Variants in LHFPL2 observed in about 807,000 individuals in gnomAD.
LHFPL2 encodes the protein LHFPL tetraspan subfamily member 2 protein.
In LHFPL2, 7 loss-of-function variants were observed where a neutral mutation model predicts 17.5. The observed-to-expected ratio is 0.40, with a 90% CI of 0.23 to 0.75. The LOEUF (loss-of-function observed/expected upper bound fraction) is 0.75. LHFPL2 is among the 30% of genes least tolerant of loss of function. The pLI, the probability that LHFPL2 is intolerant of heterozygous loss-of-function variation, is 0.37. For synonymous variants in LHFPL2, 134 were observed against 116.2 expected, an observed-to-expected ratio of 1.15 and a Z score of -0.99; for missense variants, 241 against 294.8, an observed-to-expected ratio of 0.82 and a Z score of 1.34.
At chr5:78,604,093 T>C (rs955050471) in intron 2 of LHFPL2, among the ~76,000 whole-genome samples, 3 of 152,192 alleles carry the variant, frequency 2.0e-5, no homozygotes, top group Admixed American at 6.5e-5. Context: ...ATACATGGAA[T>C]GTAAAATTAT....
In LHFPL2 at chr5:78,648,146, C is replaced by T. The variant is rs1241127345; in HGVS notation, c.-350+353G>A. ...CGCCCAGCTGCGCCTGGGACCCACG[C>T]GCCGCCGTCCGAAGCCCGCCAGCGA... On this transcript the variant is annotated intron_variant, in intron 1 of 4. Coordinates refer to ENST00000380345, the MANE Select transcript of LHFPL2 (RefSeq NM_005779.3). This position sits in a 1 kb window ranked among gnomAD's most constrained non-coding sequence, Gnocchi z 5.4. Among the ~76,000 whole-genome samples the T allele has an allele frequency of 6.6e-6, 1 of 152,144 alleles. No individual in the cohort carries two copies. Among genetic ancestry groups the T allele is most frequent in the East Asian group, 1.9e-4 (1 of 5,182 alleles).
chr5:78,518,653 G>A (rs1370109839), intron 3 of LHFPL2, among the ~76,000 whole-genome samples: 1 of 152,208 alleles, frequency 6.6e-6, no homozygotes, highest in Non-Finnish European at 1.5e-5. Flanking sequence ...CCGGTGTAAT[G>A]ACTCAGGAAT....
At chr5:78,552,380 G>T (rs578157001) in intron 3 of LHFPL2, among the ~76,000 whole-genome samples, 2 of 152,180 alleles carry the variant, frequency 1.3e-5, no homozygotes, top group East Asian at 3.9e-4. Flanking sequence ...TGATCCACCT[G>T]CCTCGGCCTC....
chr5:78,524,517 G>A (rs945572756), intron 3 of LHFPL2, among the ~76,000 whole-genome samples: 5 of 152,100 alleles, frequency 3.3e-5, no homozygotes, highest in Admixed American at 6.5e-5. Context: ...CAGGGCAGGC[G>A]GATCACTTGA....
intron 2 of LHFPL2, among the ~76,000 whole-genome samples, chr5:78,573,543 T>C (rs1757056473): frequency 6.6e-6 from 1 of 152,186 alleles, no homozygotes; most frequent in Non-Finnish European, 1.5e-5. Context: ...GGGAAGGGCA[T>C]GTTGGAGGTA....
At chr5:78,494,875 T>C (rs1298793690) in intron 4 of LHFPL2, among the ~76,000 whole-genome samples, 2 of 152,236 alleles carry the variant, frequency 1.3e-5, no homozygotes, top group Non-Finnish European at 2.9e-5. Flanking sequence ...AACACAGTTT[T>C]ATCACTGTGT....
At chr5:78,570,418 AG>A (rs35872038) in intron 2 of LHFPL2, among the ~76,000 whole-genome samples, 1 of 152,164 alleles carries the variant, frequency 6.6e-6, no homozygotes, top group African/African-American at 2.4e-5. Context: ...TGTCCAAGGC[AG>A]GGGGGATCCT....
intron 2 of LHFPL2, among the ~76,000 whole-genome samples, chr5:78,624,482 A>G (rs951313771): frequency 6.6e-6 from 1 of 152,226 alleles, no homozygotes; most frequent in African/African-American, 2.4e-5. Flanking sequence ...GTCAATTTCA[A>G]GAGACACATC....
chr5:78,641,078 T>G (rs1411126299), intron 1 of LHFPL2, among the ~76,000 whole-genome samples: 2 of 152,156 alleles, frequency 1.3e-5, no homozygotes, highest in African/African-American at 4.8e-5. Flanking sequence ...AGGAAATGTT[T>G]CAGAGGAAGG....
chr5:78,575,420 G>C (rs539293233), intron 2 of LHFPL2, among the ~76,000 whole-genome samples: 1 of 151,974 alleles, frequency 6.6e-6, no homozygotes, highest in South Asian at 2.1e-4. Flanking sequence ...GTGGTGGCAC[G>C]CACCTGTAGT....
At chr5:78,509,596 CAG>C (rs1000456923) in intron 4 of LHFPL2, among the ~76,000 whole-genome samples, 186 bp downstream of exon 4, 1 of 152,188 alleles carries the variant, frequency 6.6e-6, no homozygotes, top group Non-Finnish European at 1.5e-5. Flanking sequence ...TGGGGTAAGA[CAG>C]GGGAAAGAGA....
chr5:78,624,898 G>C (rs1744977439), intron 2 of LHFPL2: 1 of 152,006 alleles, frequency 6.6e-6, no homozygotes, highest in Non-Finnish European at 1.5e-5. Context: ...CGTCTCCTGG[G>C]TTCAAGCGAT....
intron 4 of LHFPL2, among the ~76,000 whole-genome samples, chr5:78,490,159 G>C (rs1464369436): frequency 6.6e-6 from 1 of 152,224 alleles, no homozygotes; most frequent in African/African-American, 2.4e-5. Flanking sequence ...CTACTACCTT[G>C]TCATTTTAAA....
chr5:78,637,792 C>T (rs1205862500), intron 1 of LHFPL2, among the ~76,000 whole-genome samples: 3 of 152,246 alleles, frequency 2.0e-5, no homozygotes, highest in Non-Finnish European at 4.4e-5. Context: ...CTACCCAGCC[C>T]TGCTGTATCA....
intron 3 of LHFPL2, among the ~76,000 whole-genome samples, chr5:78,528,291 T>C (rs998332716): frequency 6.6e-6 from 1 of 152,176 alleles, no homozygotes; most frequent in African/African-American, 2.4e-5. Context: ...TGTTAGGAAC[T>C]GGGCTGCACA....
At chr5:78,503,006 A>G (rs1754820281) in intron 4 of LHFPL2, among the ~76,000 whole-genome samples, 1 of 150,726 alleles carries the variant, frequency 6.6e-6, no homozygotes, top group African/African-American at 2.4e-5. Context: ...TCTTTAAAAG[A>G]AAAAAGTTGC....
At chr5:78,510,629 A>C (rs889643499) in intron 3 of LHFPL2, among the ~76,000 whole-genome samples, 1 of 151,928 alleles carries the variant, frequency 6.6e-6, no homozygotes, top group Non-Finnish European at 1.5e-5. Flanking sequence ...AGGGAGCACC[A>C]TGGAAGGAGG....
At chr5:78,520,802 G>A (rs996556813) in intron 3 of LHFPL2, among the ~76,000 whole-genome samples, 11 of 152,072 alleles carry the variant, frequency 7.2e-5, no homozygotes, top group South Asian at 4.1e-4. Flanking sequence ...ACGGTCTTTC[G>A]GCTAACTGCT....
intron 2 of LHFPL2, among the ~76,000 whole-genome samples, chr5:78,582,251 A>C (rs1383708707): frequency 6.6e-6 from 1 of 151,920 alleles, no homozygotes; most frequent in Non-Finnish European, 1.5e-5. Flanking sequence ...TGGATTCATT[A>C]ATTTTTTGAA....
Sources: gnomAD v4.1 joint callset for allele counts (sites outside exome capture counted in the v4.1 genomes callset) on GRCh38, gnomAD v4.1.1 for gene constraint, Gnocchi (gnomAD v3.1) non-coding constraint, MANE v1.5 for transcripts, NCBI Gene and HGNC (gene_info 2026-07-23, HGNC 2026-07-21) for gene names.